Variants in SSU72 observed in about 807,000 individuals in gnomAD.
SSU72 encodes SSU72 homolog, RNA polymerase II CTD phosphatase.
SSU72 carries 12 observed loss-of-function variants against 22.7 expected under a neutral mutation model. The ratio of observed to expected loss-of-function variants is 0.53; its 90% CI spans 0.34 to 0.86. The LOEUF (loss-of-function observed/expected upper bound fraction) is 0.86, where lower values mean the gene tolerates loss of function less well. Ranked by LOEUF, SSU72 falls within the 40% of genes least tolerant of loss-of-function variation. The pLI is 0.02. For missense variants in SSU72, 151 were observed against 249.8 expected, an observed-to-expected ratio of 0.60 and a Z score of 2.67; for synonymous variants, 116 against 98.3, an observed-to-expected ratio of 1.18 and a Z score of -1.06.
intron 1 of SSU72, among the ~76,000 whole-genome samples, chr1:1,565,985 G>T (rs1004730157): frequency 1.3e-5 from 2 of 152,120 alleles, no homozygotes; most frequent in African/African-American, 4.8e-5. Flanking sequence ...CACCGAGTGC[G>T]GTGGCTCACA....
intron 2 of SSU72, chr1:1,564,520 C>T: frequency 2.0e-6 from 3 of 1,530,078 alleles, no homozygotes; most frequent in Non-Finnish European, 2.6e-6. Flanking sequence ...TGTCACGACC[C>T]TCTGCTGAAC....
At chr1:1,571,757 C>T (rs1451797565) in intron 1 of SSU72, among the ~76,000 whole-genome samples, 4 of 151,546 alleles carry the variant, frequency 2.6e-5, no homozygotes, top group Non-Finnish European at 5.9e-5. Context: ...TTTAAAGTAG[C>T]CGCTAAACCT....
intron 2 of SSU72, among the ~76,000 whole-genome samples, chr1:1,549,031 G>C (rs1166625749): frequency 6.6e-6 from 1 of 152,112 alleles, no homozygotes; most frequent in East Asian, 1.9e-4. Flanking sequence ...CCAGCTACTC[G>C]GGAGGCCGAG....
chr1:1,573,429 C>CAAAAAAAAAAAAAAAAAA (rs56930035), intron 1 of SSU72, among the ~76,000 whole-genome samples: 12 of 107,434 alleles, frequency 1.1e-4, no homozygotes, highest in South Asian at 2.4e-4. Flanking sequence ...GACTCTGTCT[C>CAAAAAAAAAAAAAAAAAA]AAAAAAAAAA....
At chr1:1,550,975 A>G (rs1462099190) in intron 2 of SSU72, among the ~76,000 whole-genome samples, 1 of 150,422 alleles carries the variant, frequency 6.6e-6, no homozygotes, top group African/African-American at 2.5e-5. Flanking sequence ...GGACACATCC[A>G]CCCCCCAGAA....
chr1:1,559,808 C>T (rs1032814083), intron 2 of SSU72, among the ~76,000 whole-genome samples: 1 of 152,086 alleles, frequency 6.6e-6, no homozygotes, highest in South Asian at 2.1e-4. Context: ...CTCACGGCAA[C>T]CTCCATCTCC....
At chr1:1,546,241 C>T (rs1557495330) in intron 2 of SSU72, 1 of 152,244 alleles carries the variant, frequency 6.6e-6, no homozygotes, top group Non-Finnish European at 1.5e-5. Context: ...ACTCAGCTAC[C>T]TTCCTGGGTA....
Position 1,554,081 on chromosome 1 carries a change from C to G in SSU72, c.225-9079G>C, listed in dbSNP as rs904208610. The stretch of plus-strand genomic sequence containing the variant: ...AGTGGCCAGGGCCTCTAAAGAGAAA[C>G]GAGGAGGAAGTGCAGCTCCAGGGAG... On this transcript the variant is annotated intron_variant, in intron 2 of 4. Coordinates refer to ENST00000291386, the MANE Select transcript of SSU72 (RefSeq NM_014188.3). This position sits in a 1 kb window ranked among gnomAD's most constrained non-coding sequence, Gnocchi z 4.1. Among the ~76,000 whole-genome samples the G allele has an allele frequency of 6.6e-6, 1 of 152,160 alleles. No homozygotes were observed. Among genetic ancestry groups the G allele is most frequent in the African/African-American group, 2.4e-5 (1 of 41,432 alleles).
chr1:1,541,859 T>C lies in SSU72; in HGVS notation c.*207A>G. The C allele has an allele frequency of 1.8e-6, 1 of 566,870 alleles. No individual in the cohort carries two copies. Among genetic ancestry groups the C allele is most frequent in the East Asian group, 3.0e-5 (1 of 32,984 alleles). The allele number at this position is 566,870 out of a possible 1,614,324, so 35.1% of individuals were successfully genotyped here. On this transcript the variant is annotated 3_prime_UTR_variant, in exon 5 of 5. Transcript: ENST00000291386. ...TAAAGAAGAAAAACTTTGTAATCAATATCCTGCTCATAAGTAAAAGTGGAA... is the reference window on the plus strand; with the variant it reads ...TAAAGAAGAAAAACTTTGTAATCAACATCCTGCTCATAAGTAAAAGTGGAA...
At chr1:1,556,183 A>T (rs931655549) in intron 2 of SSU72, among the ~76,000 whole-genome samples, 1 of 152,208 alleles carries the variant, frequency 6.6e-6, no homozygotes, top group East Asian at 1.9e-4. Flanking sequence ...CTATAATCCC[A>T]GCACTTTGGG....
chr1:1,544,660 G>A (rs1642369562), intron 3 of SSU72: 1 of 641,860 alleles, frequency 1.6e-6, no homozygotes, highest in Non-Finnish European at 2.7e-6. Context: ...GAGGCCCCTT[G>A]AAGCCCATGA....
At chr1:1,559,034 C>A (rs1468974014) in intron 2 of SSU72, among the ~76,000 whole-genome samples, 1 of 152,228 alleles carries the variant, frequency 6.6e-6, no homozygotes, top group Non-Finnish European at 1.5e-5. Flanking sequence ...AATAGAGAAG[C>A]CTCTGCACGT....
In SSU72 at chr1:1,542,334, G is replaced by A. The variant is rs962638861; in HGVS notation, c.484-167C>T. On this transcript the variant is annotated intron_variant, in intron 4 of 4. Transcript: ENST00000291386. This position sits in a 1 kb window ranked among gnomAD's most constrained non-coding sequence, Gnocchi z 4.4. ...TCACAAGGACGGCCGGAGGCTGCAG[G>A]GGGAGAGCGTCCCGGGCAGCCCCCA... Among the ~76,000 whole-genome samples, 1 of 152,166 alleles carries A rather than the reference G, an allele frequency of 6.6e-6. No homozygotes were observed. Among genetic ancestry groups the A allele is most frequent in the Non-Finnish European group, 1.5e-5 (1 of 68,026 alleles).
chr1:1,569,035 A>G (rs1642696792), intron 1 of SSU72, among the ~76,000 whole-genome samples: 1 of 151,960 alleles, frequency 6.6e-6, no homozygotes, highest in South Asian at 2.1e-4. Context: ...TTAGCTGGAC[A>G]TGGTGGTGCA....
At chr1:1,553,451 T>G (rs898397137) in intron 2 of SSU72, among the ~76,000 whole-genome samples, 6 of 151,790 alleles carry the variant, frequency 4.0e-5, no homozygotes, top group Non-Finnish European at 8.8e-5. Flanking sequence ...GCTAACATGG[T>G]GAAACCCGTC....
At chr1:1,553,970 G>T (rs1389682323) in intron 2 of SSU72, among the ~76,000 whole-genome samples, 2 of 152,182 alleles carry the variant, frequency 1.3e-5, no homozygotes, top group African/African-American at 4.8e-5. Context: ...CTCAAGCAGG[G>T]ATCCTCCTGG....
intron 1 of SSU72, among the ~76,000 whole-genome samples, chr1:1,571,541 CTCTCT>C (rs1336095816): frequency 6.6e-6 from 1 of 151,910 alleles, no homozygotes; most frequent in Admixed American, 6.6e-5. Context: ...TTCCTTTTGA[CTCTCT>C]TCTGAGTCTA....
At chr1:1,555,643 G>A (rs1168684015) in intron 2 of SSU72, among the ~76,000 whole-genome samples, 1 of 152,222 alleles carries the variant, frequency 6.6e-6, no homozygotes, top group African/African-American at 2.4e-5. Context: ...GATGGACTGG[G>A]ATCCACTCAC....
intron 2 of SSU72, among the ~76,000 whole-genome samples, chr1:1,553,035 A>T (rs1362600260): frequency 1.3e-5 from 2 of 152,074 alleles, no homozygotes; most frequent in Non-Finnish European, 2.9e-5. Context: ...AAAAAAAAAA[A>T]AAAATTACTT....
Sources: gnomAD v4.1 joint callset for allele counts (sites outside exome capture counted in the v4.1 genomes callset) on GRCh38, gnomAD v4.1.1 for gene constraint, Gnocchi (gnomAD v3.1) non-coding constraint, MANE v1.5 for transcripts, NCBI Gene and HGNC (gene_info 2026-07-23, HGNC 2026-07-21) for gene names.